The following KCNQ3 variants were observed in gnomAD, a reference collection of about 807,000 sequenced individuals.
KCNQ3 encodes potassium voltage-gated channel subfamily Q member 3.
In KCNQ3, 30 loss-of-function variants were observed where a neutral mutation model predicts 92.5. The observed-to-expected ratio is 0.32, with a 90% confidence interval of 0.24 to 0.44. KCNQ3 has a LOEUF of 0.44. KCNQ3 is among the 20% of genes least tolerant of loss of function. The probability of loss-of-function intolerance (pLI) is 1.00; values close to 1 mark genes in which losing one functional copy is unlikely to be tolerated. For synonymous variants in KCNQ3, 450 were observed against 468.8 expected (o/e 0.96, Z 0.52); for missense variants, 913 against 1,140.3 (o/e 0.80, Z 2.87).
chr8:132,297,589 T>C (rs750335125), intron 1 of KCNQ3, among the ~76,000 whole-genome samples: 13 of 116,616 alleles, frequency 1.1e-4, no homozygotes, highest in Non-Finnish European at 2.3e-4. Context: ...GTACTCTAAA[T>C]TATTTTAAAT....
Position 132,218,337 on chromosome 8 carries a change from A to T in KCNQ3, c.387-32156T>A, listed in dbSNP as rs551262536. Among the ~76,000 whole-genome samples, 5 of 152,362 alleles carry T rather than the reference A, an allele frequency of 3.3e-5. No homozygotes were observed. The South Asian group carries it at 1.0e-3, about 32-fold the overall frequency. On this transcript the variant is annotated intron_variant, in intron 1 of 14. Transcript: ENST00000388996. Reference sequence around the variant, plus strand: ...ACGTAAATGGACAGAGTCATGCTACATCCCAAGCACCCAGAATGGCATCTG... The same window carrying T: ...ACGTAAATGGACAGAGTCATGCTACTTCCCAAGCACCCAGAATGGCATCTG...
intron 9 of KCNQ3, among the ~76,000 whole-genome samples, chr8:132,157,689 A>T (rs189279954): frequency 6.6e-6 from 1 of 152,184 alleles, no homozygotes; most frequent in African/African-American, 2.4e-5. Flanking sequence ...ACTTTAAGTT[A>T]TGGGATACAT....
chr8:132,394,615 G>A (rs1820144723), intron 1 of KCNQ3, among the ~76,000 whole-genome samples: 3 of 152,168 alleles, frequency 2.0e-5, no homozygotes, highest in Admixed American at 6.5e-5. Context: ...ATCTACGAGT[G>A]AAAGTGGTAC....
intron 1 of KCNQ3, among the ~76,000 whole-genome samples, chr8:132,238,342 C>T (rs143430067): frequency 1.2e-4 from 18 of 152,224 alleles, no homozygotes; most frequent in Admixed American, 8.5e-4. Flanking sequence ...CTGCTCTATA[C>T]AGATAGCACA....
At chr8:132,421,940 T>C (rs1820977061) in intron 1 of KCNQ3, among the ~76,000 whole-genome samples, 1 of 152,146 alleles carries the variant, frequency 6.6e-6, no homozygotes, top group Non-Finnish European at 1.5e-5. Context: ...GCTTTCCGTC[T>C]CCCTTCCTCT....
chr8:132,178,207 A>G (rs1182406614), intron 4 of KCNQ3, among the ~76,000 whole-genome samples: 1 of 152,236 alleles, frequency 6.6e-6, no homozygotes, highest in Non-Finnish European at 1.5e-5. Flanking sequence ...GTTATGGCTG[A>G]ACCCATAGGG....
chr8:132,214,510 C>A lies in KCNQ3; in HGVS notation c.387-28329G>T, dbSNP rs191681861. ...TATGGGGTGGGGTGGTGAGGGGCAACCCTGCCTGTTTGTTCACCCTTGACA... is the reference window on the plus strand; with the variant it reads ...TATGGGGTGGGGTGGTGAGGGGCAAACCTGCCTGTTTGTTCACCCTTGACA... On this transcript the variant is annotated intron_variant, in intron 1 of 14. Coordinates refer to ENST00000388996, the MANE Select transcript of KCNQ3 (RefSeq NM_004519.4). 9.8e-4 allele frequency among the ~76,000 whole-genome samples: 150 copies of A among 152,296 alleles called. 2 individuals are homozygous for A. In the Middle Eastern group the frequency reaches 0.027, roughly 28 times the overall value.
At chr8:132,390,561 G>A (rs1820024806) in intron 1 of KCNQ3, among the ~76,000 whole-genome samples, 1 of 152,218 alleles carries the variant, frequency 6.6e-6, no homozygotes, top group South Asian at 2.1e-4. Context: ...TGGGTGTTTT[G>A]TAAACATTCC....
intron 1 of KCNQ3, among the ~76,000 whole-genome samples, chr8:132,253,241 A>T (rs942356898): frequency 1.3e-5 from 2 of 152,238 alleles, no homozygotes; most frequent in South Asian, 4.1e-4. Context: ...AGGCAAGGAC[A>T]GAAAGACTTG....
At chr8:132,130,868 G>A (rs1335781446) in intron 14 of KCNQ3, among the ~76,000 whole-genome samples, 8 of 152,186 alleles carry the variant, frequency 5.3e-5, no homozygotes, top group Non-Finnish European at 8.8e-5. Flanking sequence ...ATGTGCACAC[G>A]TGTGTGATGT....
intron 1 of KCNQ3, among the ~76,000 whole-genome samples, chr8:132,477,153 G>C (rs1822432538): frequency 6.6e-6 from 1 of 152,094 alleles, no homozygotes; most frequent in Admixed American, 6.6e-5. Context: ...ACGCAGAACT[G>C]TGAAACAATT....
intron 1 of KCNQ3, among the ~76,000 whole-genome samples, chr8:132,192,711 G>A (rs1322745273): frequency 6.6e-6 from 1 of 152,070 alleles, no homozygotes; most frequent in Non-Finnish European, 1.5e-5. Context: ...GTGCAGTGAC[G>A]CAATCTCCGC....
At chr8:132,339,534 G>A (rs944196049) in intron 1 of KCNQ3, among the ~76,000 whole-genome samples, 17 of 152,248 alleles carry the variant, frequency 1.1e-4, no homozygotes, top group Admixed American at 1.0e-3. Context: ...AGATGGGGCA[G>A]GGGTGAAACC....
intron 12 of KCNQ3, among the ~76,000 whole-genome samples, chr8:132,135,326 A>G (rs1825047255): frequency 6.7e-6 from 1 of 149,382 alleles, no homozygotes; most frequent in African/African-American, 2.4e-5. Flanking sequence ...TAGGAAAGAA[A>G]TGTTGCCTAT....
At chr8:132,218,232 C>T (rs1458000942) in intron 1 of KCNQ3, among the ~76,000 whole-genome samples, 1 of 152,180 alleles carries the variant, frequency 6.6e-6, no homozygotes, top group Non-Finnish European at 1.5e-5. Context: ...TAATACATCC[C>T]ACATGTGCTG....
intron 1 of KCNQ3, among the ~76,000 whole-genome samples, chr8:132,306,439 G>T (rs1244886189): frequency 6.6e-6 from 1 of 152,190 alleles, no homozygotes; most frequent in African/African-American, 2.4e-5. Flanking sequence ...CTTGGAAGAT[G>T]CCAATGTCCT....
At chr8:132,420,478 T>A (rs1820936771) in intron 1 of KCNQ3, among the ~76,000 whole-genome samples, 1 of 152,262 alleles carries the variant, frequency 6.6e-6, no homozygotes, top group Non-Finnish European at 1.5e-5. Flanking sequence ...CCTTTTCCCT[T>A]GAGCCAGAAA....
intron 1 of KCNQ3, among the ~76,000 whole-genome samples, chr8:132,236,262 G>T (rs190915830): frequency 1.3e-5 from 2 of 152,160 alleles, no homozygotes; most frequent in Admixed American, 1.3e-4. Context: ...ATCTTCCAGG[G>T]AGTGAACATT....
chr8:132,238,747 G>T (rs1814896558), intron 1 of KCNQ3, among the ~76,000 whole-genome samples: 1 of 152,142 alleles, frequency 6.6e-6, no homozygotes, highest in African/African-American at 2.4e-5. Flanking sequence ...GGGTCTCTGA[G>T]GCTCACGAGC....
Sources: gnomAD v4.1 joint callset for allele counts (sites outside exome capture counted in the v4.1 genomes callset) on GRCh38, gnomAD v4.1.1 for gene constraint, MANE v1.5 for transcripts, NCBI Gene and HGNC (gene_info 2026-07-23, HGNC 2026-07-21) for gene names.